UGT1A6: variants seen among roughly 807,000 people sequenced by gnomAD.
UGT1A6 encodes the protein UDP glucuronosyltransferase family 1 member A6.
In UGT1A6, 32 loss-of-function variants were observed where a neutral mutation model predicts 44.4. The observed-to-expected ratio is 0.72, with a 90% CI of 0.54 to 0.97. UGT1A6 has a LOEUF of 0.97. Ranked by LOEUF, UGT1A6 falls within the 50% of genes least tolerant of loss-of-function variation. The probability of loss-of-function intolerance (pLI) is 0.00; values close to 1 mark genes in which losing one functional copy is unlikely to be tolerated. For missense variants in UGT1A6, 685 were observed against 661.9 expected (o/e 1.03, Z -0.38); for synonymous variants, 238 against 248.5 (o/e 0.96, Z 0.40).
At chr2:233,734,361 G>A (rs557706400) in intron 1 of UGT1A6, among the ~76,000 whole-genome samples, 44 of 152,144 alleles carry the variant, frequency 2.9e-4, no homozygotes, top group Non-Finnish European at 5.3e-4. Flanking sequence ...CTGTGGGATC[G>A]GTGGTGATAT....
intron 1 of UGT1A6, chr2:233,747,484 GC>G: frequency 1.2e-6 from 2 of 1,608,658 alleles, no homozygotes; most frequent in Admixed American, 3.3e-5. Context: ...GAATTTGATC[GC>G]CTTGTGCTGG....
intron 1 of UGT1A6, among the ~76,000 whole-genome samples, chr2:233,757,413 A>T (rs1189718931): frequency 6.6e-6 from 1 of 151,560 alleles, no homozygotes; most frequent in Non-Finnish European, 1.5e-5. Context: ...AGGGTCTAGA[A>T]CGAAAAGAGA....
intron 1 of UGT1A6, among the ~76,000 whole-genome samples, chr2:233,726,869 C>T (rs1231385710): frequency 3.3e-5 from 5 of 152,180 alleles, no homozygotes; most frequent in African/African-American, 9.7e-5. Flanking sequence ...CTTCTATTCT[C>T]CAGGCTTCAG....
chr2:233,749,588 C>G (rs932170958), intron 1 of UGT1A6, among the ~76,000 whole-genome samples: 1 of 151,804 alleles, frequency 6.6e-6, no homozygotes, highest in African/African-American at 2.4e-5. Context: ...TCTGTCTCAA[C>G]ATGAAGTCAC....
chr2:233,751,264 C>CT (rs1248433988), intron 1 of UGT1A6, among the ~76,000 whole-genome samples: 2 of 151,872 alleles, frequency 1.3e-5, no homozygotes, highest in Admixed American at 1.3e-4. Context: ...CTGTAGCCCC[C>CT]TTTTTTTGGC....
chr2:233,749,861 C>T (rs1160641293), intron 1 of UGT1A6, among the ~76,000 whole-genome samples: 2 of 151,980 alleles, frequency 1.3e-5, no homozygotes, highest in Non-Finnish European at 2.9e-5. Context: ...CTCTCACTTT[C>T]TGCCAGGATT....
rs797046090 is a variant in UGT1A6, at chr2:233,760,524, C to CCGTA, written c.862-6509_862-6508insGTAC. ...GAGCATTTTACACCTTGAAGACGTA[C>CCGTA]CCTGTGCCATTCCAAAGGGAGGATG... On this transcript the variant is annotated intron_variant, in intron 1 of 4. Coordinates refer to ENST00000305139, the MANE Select transcript of UGT1A6 (RefSeq NM_001072.4). The CCGTA allele has an allele frequency of 6.2e-7, 1 of 1,614,240 alleles. No homozygotes were observed. The highest frequency in any genetic ancestry group is 1.6e-4 in the Middle Eastern group (1 of 6,062).
At chr2:233,752,715 G>T (rs1184638783) in intron 1 of UGT1A6, among the ~76,000 whole-genome samples, 2 of 152,110 alleles carry the variant, frequency 1.3e-5, no homozygotes, top group African/African-American at 4.8e-5. Flanking sequence ...ATCTTGCCTA[G>T]GCAACAGCTA....
rs566107268 is a variant in UGT1A6, at chr2:233,719,129, AG to A, written c.861+25265del. 2.1e-4 allele frequency: 332 copies of A among 1,614,276 alleles called. No individual in the cohort carries two copies. The Middle Eastern group carries it at 2.1e-3, about 10-fold the overall frequency. On this transcript the variant is annotated intron_variant, in intron 1 of 4. Coordinates refer to ENST00000305139, the MANE Select transcript of UGT1A6 (RefSeq NM_001072.4). ...GCTACACTCAAGGGTTCTTTGAAAC[AG>A]AACATCTTCTGAAGAGATATTCTAG... is the stretch of plus-strand genomic sequence containing the variant.
upstream of UGT1A6, chr2:233,692,273 C>T (rs1455446026): frequency 6.6e-6 from 1 of 152,386 alleles, no homozygotes; most frequent in African/African-American, 2.4e-5. Flanking sequence ...GTACTTTTTC[C>T]TCTGGCTATT....
intron 1 of UGT1A6, among the ~76,000 whole-genome samples, chr2:233,730,887 G>T (rs979903664): frequency 2.6e-5 from 4 of 152,076 alleles, no homozygotes; most frequent in African/African-American, 7.2e-5. Context: ...TCTATAGTGG[G>T]ATCTACTCCT....
At chr2:233,746,785 G>A (rs999624443) in intron 1 of UGT1A6, among the ~76,000 whole-genome samples, 5 of 151,822 alleles carry the variant, frequency 3.3e-5, no homozygotes, top group Non-Finnish European at 2.9e-5. Flanking sequence ...GTTTTCTGTT[G>A]TAATTCATGA....
chr2:233,717,831 A>C (rs1289598238), intron 1 of UGT1A6: 1 of 455,268 alleles, frequency 2.2e-6, no homozygotes, highest in Non-Finnish European at 4.4e-6. Flanking sequence ...TCTGTTCTGG[A>C]GGAACCATTC....
chr2:233,713,177 C>G, intron 1 of UGT1A6: 1 of 1,614,182 alleles, frequency 6.2e-7, no homozygotes, highest in Non-Finnish European at 8.5e-7. Context: ...TGGTCCTCAC[C>G]CTGGAGGTGA....
intron 1 of UGT1A6, chr2:233,729,644 T>A: frequency 5.6e-6 from 9 of 1,613,954 alleles, no homozygotes; most frequent in Non-Finnish European, 7.6e-6. Flanking sequence ...GTGTTTTTTT[T>A]GAGGAACATT....
intron 1 of UGT1A6, among the ~76,000 whole-genome samples, chr2:233,712,676 G>C (rs2076247932): frequency 6.6e-6 from 1 of 152,192 alleles, no homozygotes; most frequent in Admixed American, 6.5e-5. Context: ...AGGAGACAGT[G>C]ACATGAAATG....
intron 1 of UGT1A6, chr2:233,754,734 T>C (rs1381377212): frequency 1.5e-6 from 1 of 652,198 alleles, no homozygotes; most frequent in Middle Eastern, 2.9e-4. Flanking sequence ...ATCACTACCG[T>C]AGGACATGCA....
At chr2:233,743,750 A>G in intron 1 of UGT1A6, 1 of 1,367,324 alleles carries the variant, frequency 7.3e-7, no homozygotes, top group Non-Finnish European at 9.8e-7. Flanking sequence ...GGCGTCCGAC[A>G]ACACCTCGTA....
At chr2:233,739,499 A>T (rs927597154) in intron 1 of UGT1A6, among the ~76,000 whole-genome samples, 8 of 152,214 alleles carry the variant, frequency 5.3e-5, no homozygotes, top group African/African-American at 1.4e-4. Context: ...CATCACCTTG[A>T]TCTAGATGTG....
Sources: gnomAD v4.1 joint callset for allele counts (sites outside exome capture counted in the v4.1 genomes callset) on GRCh38, gnomAD v4.1.1 for gene constraint, MANE v1.5 for transcripts, NCBI Gene and HGNC (gene_info 2026-07-23, HGNC 2026-07-21) for gene names.